HMCN1: variants seen among roughly 807,000 people sequenced by gnomAD.
HMCN1 encodes hemicentin 1.
In HMCN1, 321 loss-of-function variants were observed where a neutral mutation model predicts 625.9. The ratio of observed to expected loss-of-function variants is 0.51; its 90% CI spans 0.47 to 0.56. HMCN1 has a LOEUF of 0.56. HMCN1 is among the 20% of genes least tolerant of loss of function. HMCN1 has a pLI of 0.00. For synonymous variants in HMCN1, 2,425 were observed against 2,417.6 expected, an observed-to-expected ratio of 1.00 and a Z score of -0.09; for missense variants, 6,588 against 6,887.3, an observed-to-expected ratio of 0.96 and a Z score of 1.54.
intron 96 of HMCN1, 78 bp from the exon 97 acceptor site, chr1:186,153,672 C>A: frequency 1.8e-6 from 2 of 1,136,752 alleles, no homozygotes; most frequent in Non-Finnish European, 2.7e-6. Context: ...CCCGCTCATT[C>A]TGCATTTCAT....
intron 4 of HMCN1, among the ~76,000 whole-genome samples, chr1:185,905,179 A>G (rs1666028247): frequency 6.6e-6 from 1 of 151,848 alleles, no homozygotes; most frequent in Non-Finnish European, 1.5e-5. Flanking sequence ...ACTGCCTTTT[A>G]GCACACATTT....
intron 59 of HMCN1, 35 bp from the exon 60 acceptor site, chr1:186,087,407 GA>G: frequency 1.2e-6 from 2 of 1,608,490 alleles, no homozygotes; most frequent in Non-Finnish European, 1.7e-6. Context: ...GCACCTTAAT[GA>G]AAAAGAAAAT....
intron 36 of HMCN1, among the ~76,000 whole-genome samples, chr1:186,028,728 T>A (rs1250183900): frequency 4.9e-5 from 7 of 142,306 alleles, no homozygotes; most frequent in South Asian, 2.1e-4. Context: ...AAAGCATATT[T>A]TTTTTTTTTT....
At position 186,189,689 on chromosome 1, in the gene HMCN1, T is replaced by C. The variant is rs779915950; in HGVS notation, c.16719T>C (p.Asp5573=). 1.3e-5 allele frequency: 21 copies of C among 1,612,896 alleles called. No homozygotes were observed. The Admixed American group carries it at 2.0e-4, about 15-fold the overall frequency. ...CCAGGACAACTTTCCTCATGGTAGA[T>C]GAGGAACAGACTGTTCCTTTTGCCT... The part of the protein sequence containing the change: ...MHPRTTFLMV[D]EEQTVPFALR... Residue 5573 remains aspartate (D), a synonymous_variant, in exon 107 of 107, where the codon GAT becomes GAC. Transcript: ENST00000271588.
chr1:186,165,205 T>C (rs761325130), intron 98 of HMCN1, 32 bp downstream of exon 98: 2 of 1,575,118 alleles, frequency 1.3e-6, no homozygotes, highest in Non-Finnish European at 1.7e-6. Context: ...GGGTTTTCTT[T>C]TAATGAAAAT....
chr1:185,818,227 T>C (rs529013524), intron 1 of HMCN1, among the ~76,000 whole-genome samples: 2 of 152,304 alleles, frequency 1.3e-5, no homozygotes, highest in South Asian at 2.1e-4. Context: ...ATCCTTGAAA[T>C]TGATTACCTA....
rs758744462 is a variant in HMCN1, at chr1:186,015,281, G to A, written c.4753G>A (p.Gly1585Arg). 26 of 1,613,702 alleles carry A rather than the reference G, an allele frequency of 1.6e-5. No individual in the cohort carries two copies. The highest frequency in any genetic ancestry group is 1.6e-4 in the Middle Eastern group (1 of 6,062). Residue 1585 changes from glycine (G) to arginine (R), a missense_variant, in exon 31 of 107, where the codon GGG becomes AGG. Coordinates refer to ENST00000271588, the MANE Select transcript of HMCN1 (RefSeq NM_031935.3). Reference sequence around the variant, plus strand: ...GCCTGCCATTACTTGGTATAAGGACGGGCAGCCAATCATGTCCAGCTCACA... The same window carrying A: ...GCCTGCCATTACTTGGTATAAGGACAGGCAGCCAATCATGTCCAGCTCACA... ...PMPAITWYKDGQPIMSSSQAL... is the reference protein window; with the variant it reads ...PMPAITWYKDRQPIMSSSQAL...
At chr1:185,799,714 C>T (rs1658661005) in intron 1 of HMCN1, among the ~76,000 whole-genome samples, 1 of 152,132 alleles carries the variant, frequency 6.6e-6, no homozygotes, top group South Asian at 2.1e-4. Flanking sequence ...CACCCAAGCA[C>T]CATGCAGTTA....
intron 1 of HMCN1, among the ~76,000 whole-genome samples, chr1:185,804,502 C>A (rs1659042170): frequency 6.6e-6 from 1 of 152,078 alleles, no homozygotes; most frequent in Admixed American, 6.6e-5. Context: ...TCATTTCCTG[C>A]AAGATCTCAG....
intron 20 of HMCN1, among the ~76,000 whole-genome samples, chr1:185,987,918 A>G (rs2383429): frequency 0.029 from 4,370 of 152,046 alleles, 220 homozygotes; most frequent in African/African-American, 0.1. Context: ...CGCATGTGGA[A>G]CTGACCAGTA....
chr1:185,883,021 A>G (rs1335623203), intron 4 of HMCN1, among the ~76,000 whole-genome samples: 1 of 152,050 alleles, frequency 6.6e-6, no homozygotes, highest in East Asian at 1.9e-4. Context: ...GGCAGGGAGG[A>G]CAAGGGTTTT....
chr1:186,106,750 C>A (rs1571359567), intron 69 of HMCN1, 134 bp from the exon 70 acceptor site: 2 of 708,714 alleles, frequency 2.8e-6, no homozygotes, highest in East Asian at 2.6e-5. Context: ...GAGTGCTAAT[C>A]GTAGTGTTAA....
intron 100 of HMCN1, among the ~76,000 whole-genome samples, chr1:186,167,178 G>A (rs141024844): frequency 2.0e-5 from 3 of 152,272 alleles, no homozygotes; most frequent in African/African-American, 7.2e-5. Context: ...ATATTCCACA[G>A]CTATTTTAAA....
intron 100 of HMCN1, 142 bp downstream of exon 100, chr1:186,167,084 G>T: frequency 9.7e-7 from 1 of 1,033,268 alleles, no homozygotes; most frequent in Non-Finnish European, 1.5e-6. Flanking sequence ...TATCCAGCAA[G>T]AGGGACTCCT....
intron 11 of HMCN1, among the ~76,000 whole-genome samples, chr1:185,939,150 G>C (rs1412020574): frequency 1.3e-5 from 2 of 152,172 alleles, no homozygotes; most frequent in Non-Finnish European, 2.9e-5. Context: ...ACTTCCCTCA[G>C]TGGCTATTAT....
intron 78 of HMCN1, among the ~76,000 whole-genome samples, chr1:186,119,516 T>C (rs1425654244): frequency 6.6e-6 from 1 of 152,214 alleles, no homozygotes; most frequent in Non-Finnish European, 1.5e-5. Flanking sequence ...CTTGGCTTTT[T>C]ATGATCTGTT....
chr1:185,735,218 A>G (rs985915465), intron 1 of HMCN1, among the ~76,000 whole-genome samples, 171 bp downstream of exon 1: 1 of 152,198 alleles, frequency 6.6e-6, no homozygotes, highest in Admixed American at 6.5e-5. Context: ...GCTCATTGAT[A>G]CCTACTTAAG....
chr1:186,189,842 C>T lies in HMCN1; in HGVS notation c.16872C>T (p.Phe5624=). Reference sequence around the variant, plus strand: ...GGACCATTGAATATCAGACCACATTCATAGTTTATATAGCTGTGTCCGCCT... The same window carrying T: ...GGACCATTGAATATCAGACCACATTTATAGTTTATATAGCTGTGTCCGCCT... ...ANGTIEYQTT[F]IVYIAVSAYP... Residue 5624 remains phenylalanine, a synonymous_variant, in exon 107 of 107, where the codon TTC becomes TTT. Coordinates refer to ENST00000271588, the MANE Select transcript of HMCN1 (RefSeq NM_031935.3). The T allele has an allele frequency of 6.2e-7, 1 of 1,613,850 alleles. No individual in the cohort carries two copies. Among genetic ancestry groups the T allele is most frequent in the Non-Finnish European group, 8.5e-7 (1 of 1,179,840 alleles).
At chr1:186,040,101 G>A (rs537810338) in intron 39 of HMCN1, among the ~76,000 whole-genome samples, 7 of 152,064 alleles carry the variant, frequency 4.6e-5, no homozygotes, top group Non-Finnish European at 8.8e-5. Flanking sequence ...TTACTTTTAG[G>A]TGTTATATTT....
Sources: allele counts gnomAD v4.1 joint callset (sites outside exome capture counted in the v4.1 genomes callset), GRCh38; gene constraint gnomAD v4.1.1; transcripts MANE v1.5; gene names NCBI Gene and HGNC (gene_info 2026-07-23, HGNC 2026-07-21).